The following KIF26B variants were observed in gnomAD, a reference collection of about 807,000 sequenced individuals.
The protein encoded by KIF26B is kinesin-like protein KIF26B.
A neutral mutation model predicts 151.2 loss-of-function variants in KIF26B; 63 were observed. The observed-to-expected ratio is 0.42, with a 90% CI of 0.34 to 0.51. The LOEUF is 0.51. KIF26B is among the 20% of genes least tolerant of loss of function. The probability of loss-of-function intolerance (pLI) is 0.07; values close to 1 mark genes in which losing one functional copy is unlikely to be tolerated. For missense variants in KIF26B, 2,813 were observed against 2,913.6 expected, an observed-to-expected ratio of 0.97 and a Z score of 0.79; for synonymous variants, 1,357 against 1,262.1, an observed-to-expected ratio of 1.08 and a Z score of -1.59.
rs1466814417 is a variant in KIF26B at position 245,227,484 on chromosome 1, G to A, written c.465+70801G>A. Among the ~76,000 whole-genome samples the A allele has an allele frequency of 2.6e-5, 4 of 152,124 alleles. No individual in the cohort carries two copies. Among genetic ancestry groups the A allele is most frequent in the East Asian group, 1.9e-4 (1 of 5,194 alleles). ...TGTTTCTTCCCACCCCTGTCACACC[G>A]CCCTTGACCATGGTTGTCTGTCATG... On this transcript the variant is annotated intron_variant, in intron 2 of 14. Coordinates refer to ENST00000407071, the MANE Select transcript of KIF26B (RefSeq NM_018012.4). The surrounding 1 kb of genome is among the most constrained non-coding windows in gnomAD (Gnocchi z 4.1).
intron 9 of KIF26B, among the ~76,000 whole-genome samples, chr1:245,618,394 C>T (rs547484480): frequency 3.9e-5 from 5 of 127,158 alleles, no homozygotes; most frequent in South Asian, 2.6e-4. Context: ...AGAGTGCCAC[C>T]GTCCTGGGGC....
At chr1:245,317,303 C>A (rs183306671) in intron 2 of KIF26B, among the ~76,000 whole-genome samples, 2 of 152,244 alleles carry the variant, frequency 1.3e-5, no homozygotes, top group African/African-American at 4.8e-5. Flanking sequence ...GCCTAATATC[C>A]CTTACATTTT....
chr1:245,664,545 AATT>A (rs1158430199), intron 10 of KIF26B, among the ~76,000 whole-genome samples: 4 of 152,252 alleles, frequency 2.6e-5, no homozygotes, highest in South Asian at 2.1e-4. Context: ...AGGGACACTT[AATT>A]ATTATTATTT....
chr1:245,405,991 G>T (rs1457190110), intron 3 of KIF26B, among the ~76,000 whole-genome samples: 1 of 151,996 alleles, frequency 6.6e-6, no homozygotes, highest in Non-Finnish European at 1.5e-5. Context: ...TTTCTTTTTT[G>T]TCATTTTTGA....
At chr1:245,343,890 TA>T (rs1016649282) in intron 2 of KIF26B, among the ~76,000 whole-genome samples, 1 of 152,180 alleles carries the variant, frequency 6.6e-6, no homozygotes, top group Non-Finnish European at 1.5e-5. Flanking sequence ...GTAACAGTGT[TA>T]AAAAATAATG....
chr1:245,214,425 G>A (rs988544737), intron 2 of KIF26B, among the ~76,000 whole-genome samples: 23 of 152,006 alleles, frequency 1.5e-4, no homozygotes, highest in African/African-American at 5.3e-4. Context: ...ATACAAAGGA[G>A]CATAAAGAAT....
intron 10 of KIF26B, among the ~76,000 whole-genome samples, chr1:245,662,668 C>CA (rs2044166531): frequency 2.2e-5 from 2 of 89,978 alleles, no homozygotes; most frequent in Non-Finnish European, 5.4e-5. Context: ...CATACATATA[C>CA]CCAATGATAC....
chr1:245,273,636 A>C (rs1670890449), intron 2 of KIF26B, among the ~76,000 whole-genome samples: 1 of 152,104 alleles, frequency 6.6e-6, no homozygotes, highest in Admixed American at 6.5e-5. Flanking sequence ...TTCTTGTGGC[A>C]GTTTTTGTCT....
intron 2 of KIF26B, among the ~76,000 whole-genome samples, chr1:245,252,227 G>A (rs1670457480): frequency 6.8e-6 from 1 of 147,372 alleles, no homozygotes; most frequent in African/African-American, 2.5e-5. Flanking sequence ...AATGAGTCAA[G>A]ATTGCACCTC....
chr1:245,205,719 T>C (rs1361616500), intron 2 of KIF26B, among the ~76,000 whole-genome samples: 3 of 150,476 alleles, frequency 2.0e-5, no homozygotes, highest in African/African-American at 7.3e-5. Context: ...CTTTTCTTTT[T>C]TTTTTTTTTT....
intron 4 of KIF26B, among the ~76,000 whole-genome samples, chr1:245,450,267 A>G (rs1659357112): frequency 2.0e-5 from 3 of 152,084 alleles, no homozygotes; most frequent in Non-Finnish European, 4.4e-5. Flanking sequence ...GAAACAACAT[A>G]ATGATTCCTT....
intron 2 of KIF26B, among the ~76,000 whole-genome samples, chr1:245,205,506 A>G (rs1436026463): frequency 1.3e-5 from 2 of 152,118 alleles, no homozygotes; most frequent in East Asian, 3.9e-4. Context: ...TAATTACCAT[A>G]AGAAAGATGT....
chr1:245,693,443 G>A (rs2044652043), intron 12 of KIF26B, among the ~76,000 whole-genome samples: 1 of 152,190 alleles, frequency 6.6e-6, no homozygotes, highest in East Asian at 1.9e-4. Context: ...CTGGTTGCTT[G>A]GTTGGCGGCA....
intron 3 of KIF26B, among the ~76,000 whole-genome samples, chr1:245,382,533 T>TTG (rs71563746): frequency 0.33 from 49,092 of 150,014 alleles, 8,226 homozygotes; most frequent in East Asian, 0.39. Flanking sequence ...AAGCACAGGT[T>TTG]TGTGTGTGTG....
At chr1:245,406,590 T>A (rs1674140260) in intron 3 of KIF26B, among the ~76,000 whole-genome samples, 1 of 152,170 alleles carries the variant, frequency 6.6e-6, no homozygotes, top group African/African-American at 2.4e-5. Context: ...GAAAAGGGCA[T>A]GATGTGTATT....
chr1:245,555,523 G>A (rs868796459), intron 5 of KIF26B, among the ~76,000 whole-genome samples: 1 of 152,136 alleles, frequency 6.6e-6, no homozygotes, highest in Non-Finnish European at 1.5e-5. Flanking sequence ...TCAGATGAGC[G>A]GGCGGTTGGG....
At chr1:245,471,175 G>C (rs1659905726) in intron 4 of KIF26B, among the ~76,000 whole-genome samples, 1 of 151,784 alleles carries the variant, frequency 6.6e-6, no homozygotes. Context: ...CTGTCACCTA[G>C]ACTGGAGTAC....
At chr1:245,373,632 A>C (rs1673177648) in intron 3 of KIF26B, among the ~76,000 whole-genome samples, 1 of 152,190 alleles carries the variant, frequency 6.6e-6, no homozygotes, top group African/African-American at 2.4e-5. Context: ...CTTTCTCTAA[A>C]AACATGCATT....
At chr1:245,200,794 C>T (rs1367878309) in intron 2 of KIF26B, among the ~76,000 whole-genome samples, 1 of 152,098 alleles carries the variant, frequency 6.6e-6, no homozygotes, top group Non-Finnish European at 1.5e-5. Context: ...CAAATATAGG[C>T]AGGGCTGATT....
Sources: gnomAD v4.1 joint callset for allele counts (sites outside exome capture counted in the v4.1 genomes callset) on GRCh38, gnomAD v4.1.1 for gene constraint, Gnocchi (gnomAD v3.1) non-coding constraint, MANE v1.5 for transcripts, NCBI Gene and HGNC (gene_info 2026-07-23, HGNC 2026-07-21) for gene names.